SPIDR: variants seen among roughly 807,000 people sequenced by gnomAD.
SPIDR encodes the protein scaffold protein involved in DNA repair.
A neutral mutation model predicts 104.6 loss-of-function variants in SPIDR; 93 were observed. That is an observed-to-expected ratio of 0.89 (90% confidence interval 0.75 to 1.06). The LOEUF (loss-of-function observed/expected upper bound fraction) is 1.06, where lower values mean the gene tolerates loss of function less well. Ranked by LOEUF, SPIDR falls within the 50% of genes least tolerant of loss-of-function variation. The probability of loss-of-function intolerance (pLI) is 0.00; values close to 1 mark genes in which losing one functional copy is unlikely to be tolerated. For synonymous variants in SPIDR, 431 were observed against 416.9 expected, an observed-to-expected ratio of 1.03 and a Z score of -0.41; for missense variants, 1,154 against 1,111.2, an observed-to-expected ratio of 1.04 and a Z score of -0.55.
At chr8:47,286,522 T>C (rs2038881676) in intron 3 of SPIDR, among the ~76,000 whole-genome samples, 1 of 152,210 alleles carries the variant, frequency 6.6e-6, no homozygotes. Context: ...TGCAGTGTGC[T>C]GTGATCATGC....
intron 10 of SPIDR, among the ~76,000 whole-genome samples, chr8:47,633,862 G>A (rs1456619138): frequency 6.6e-6 from 1 of 152,182 alleles, no homozygotes; most frequent in Non-Finnish European, 1.5e-5. Flanking sequence ...GGGAGGCTGA[G>A]GTGGGCAGAT....
At chr8:47,382,802 G>T (rs868955081) in intron 5 of SPIDR, among the ~76,000 whole-genome samples, 3 of 152,172 alleles carry the variant, frequency 2.0e-5, no homozygotes, top group South Asian at 4.1e-4. Flanking sequence ...GTTTTTTCTG[G>T]TCAGCTCCTA....
At chr8:47,651,483 G>A (rs1263512296) in intron 10 of SPIDR, among the ~76,000 whole-genome samples, 1 of 152,120 alleles carries the variant, frequency 6.6e-6, no homozygotes, top group African/African-American at 2.4e-5. Flanking sequence ...AAAGGGGAAC[G>A]CTTATACAGT....
At chr8:47,694,580 GA>G (rs1426960967) in intron 11 of SPIDR, among the ~76,000 whole-genome samples, 4 of 152,148 alleles carry the variant, frequency 2.6e-5, no homozygotes, top group Non-Finnish European at 5.9e-5. Context: ...ACCAGTCTGG[GA>G]AACATAGTGA....
At chr8:47,314,094 G>A (rs2044777883) in intron 5 of SPIDR, among the ~76,000 whole-genome samples, 1 of 152,136 alleles carries the variant, frequency 6.6e-6, no homozygotes, top group African/African-American at 2.4e-5. Flanking sequence ...TTACAATATG[G>A]CATTTATATA....
intron 1 of SPIDR, among the ~76,000 whole-genome samples, chr8:47,275,277 A>AAAAAAGG (rs1423900364): frequency 1.3e-5 from 2 of 151,974 alleles, no homozygotes; most frequent in Non-Finnish European, 2.9e-5. Flanking sequence ...AAGAAAAAAG[A>AAAAAAGG]AAATATCCCC....
intron 10 of SPIDR, among the ~76,000 whole-genome samples, chr8:47,621,569 G>A (rs1399952555): frequency 6.6e-6 from 1 of 152,202 alleles, no homozygotes; most frequent in African/African-American, 2.4e-5. Context: ...TTGCCTGTGT[G>A]TGCACATATC....
intron 15 of SPIDR, chr8:47,713,256 C>A (rs2082122026): frequency 3.2e-6 from 2 of 619,626 alleles, no homozygotes; most frequent in South Asian, 2.6e-5. Flanking sequence ...TCATAATTCA[C>A]ATGCCACATA....
intron 10 of SPIDR, 60 bp downstream of exon 10, chr8:47,599,256 A>G (rs1290317583): frequency 1.9e-6 from 3 of 1,584,610 alleles, no homozygotes; most frequent in African/African-American, 2.7e-5. Flanking sequence ...AGAGTGCTCT[A>G]GAAAGTGGAG....
intron 8 of SPIDR, among the ~76,000 whole-genome samples, chr8:47,489,151 A>C (rs1453336729): frequency 6.6e-6 from 1 of 152,244 alleles, no homozygotes; most frequent in Non-Finnish European, 1.5e-5. Context: ...AACTTCAGCA[A>C]AGTCTCAAGA....
At chr8:47,728,672 T>G in intron 17 of SPIDR, 1 of 337,032 alleles carries the variant, frequency 3.0e-6, no homozygotes. Context: ...TGACCTCCCT[T>G]CCTGGGAGGC....
chr8:47,484,857 A>G (rs2077330879), intron 8 of SPIDR, among the ~76,000 whole-genome samples: 1 of 152,160 alleles, frequency 6.6e-6, no homozygotes, highest in Non-Finnish European at 1.5e-5. Context: ...ACAGATCCAG[A>G]CCCGGACGGC....
chr8:47,322,639 G>A (rs74490150), intron 5 of SPIDR, among the ~76,000 whole-genome samples: 1 of 152,176 alleles, frequency 6.6e-6, no homozygotes, highest in African/African-American at 2.4e-5. Flanking sequence ...ACATGCACAC[G>A]TATGTTTATT....
At chr8:47,554,128 G>A (rs2090987369) in intron 8 of SPIDR, among the ~76,000 whole-genome samples, 1 of 151,996 alleles carries the variant, frequency 6.6e-6, no homozygotes, top group African/African-American at 2.4e-5. Flanking sequence ...TCTCAGTGGG[G>A]CACCTGGCTA....
At chr8:47,298,083 A>G (rs1200178709) in intron 5 of SPIDR, among the ~76,000 whole-genome samples, 6 of 152,156 alleles carry the variant, frequency 3.9e-5, no homozygotes, top group Admixed American at 3.3e-4. Flanking sequence ...AACAGTGTAA[A>G]AGTGTTCCTG....
intron 10 of SPIDR, among the ~76,000 whole-genome samples, chr8:47,644,084 A>G (rs759341191): frequency 2.0e-5 from 3 of 152,148 alleles, no homozygotes; most frequent in Admixed American, 6.5e-5. Flanking sequence ...CCCTCAGTCT[A>G]TCCTGGCTGC....
In SPIDR at chr8:47,499,732, C is replaced by A. The variant is rs529058938; in HGVS notation, c.1097+59190C>A. ...ATACATGTGCCATGTCGGTATGCTA[C>A]ACCCAGTAACTCGTCATTTAACATT... On this transcript the variant is annotated intron_variant, in intron 8 of 19. Coordinates refer to ENST00000297423, the MANE Select transcript of SPIDR (RefSeq NM_001080394.4). Among the ~76,000 whole-genome samples the A allele has an allele frequency of 3.3e-5, 5 of 152,170 alleles. No individual in the cohort carries two copies. The East Asian group carries it at 5.8e-4, about 18-fold the overall frequency.
intron 5 of SPIDR, among the ~76,000 whole-genome samples, chr8:47,328,011 G>A (rs1338748612): frequency 6.8e-6 from 1 of 146,046 alleles, no homozygotes; most frequent in Non-Finnish European, 1.5e-5. Flanking sequence ...TTTTTTTTTT[G>A]GTTTTTTTTT....
intron 11 of SPIDR, among the ~76,000 whole-genome samples, chr8:47,695,064 G>A (rs994179625): frequency 6.6e-6 from 1 of 152,026 alleles, no homozygotes; most frequent in African/African-American, 2.4e-5. Context: ...TCTGTGCTCT[G>A]CCTTCAGTCT....
Sources: allele counts gnomAD v4.1 joint callset (sites outside exome capture counted in the v4.1 genomes callset), GRCh38; gene constraint gnomAD v4.1.1; transcripts MANE v1.5; gene names NCBI Gene and HGNC (gene_info 2026-07-23, HGNC 2026-07-21).